Variants in ADAMTSL3 observed in about 807,000 individuals in gnomAD.
The protein encoded by ADAMTSL3 is ADAMTS like 3, also known as ADAMTS-like protein 3.
In ADAMTSL3, 128 loss-of-function variants were observed where a neutral mutation model predicts 201.7. The observed-to-expected ratio is 0.63, with a 90% CI of 0.55 to 0.73. The LOEUF is 0.73. Ranked by LOEUF, ADAMTSL3 falls within the 30% of genes least tolerant of loss-of-function variation. ADAMTSL3 has a pLI of 0.00. For missense variants in ADAMTSL3, 1,990 were observed against 2,119.6 expected, an observed-to-expected ratio of 0.94 and a Z score of 1.20; for synonymous variants, 738 against 748.4, an observed-to-expected ratio of 0.99 and a Z score of 0.23.
intron 23 of ADAMTSL3, among the ~76,000 whole-genome samples, chr15:83,999,982 C>A (rs1180284564): frequency 6.6e-6 from 1 of 151,682 alleles, no homozygotes; most frequent in African/African-American, 2.4e-5. Context: ...CCCCTATCAA[C>A]TGCTAGTTTA....
intron 3 of ADAMTSL3, among the ~76,000 whole-genome samples, chr15:83,733,040 G>A (rs1256528038): frequency 6.6e-6 from 1 of 152,106 alleles, no homozygotes; most frequent in African/African-American, 2.4e-5. Context: ...TCCTGAGCTG[G>A]TATTTATTAC....
At chr15:83,887,273 G>T (rs1438398883) in intron 10 of ADAMTSL3, among the ~76,000 whole-genome samples, 3 of 152,048 alleles carry the variant, frequency 2.0e-5, no homozygotes, top group African/African-American at 7.3e-5. Context: ...TGTTATTCCT[G>T]CACTGTTATT....
intron 16 of ADAMTSL3, among the ~76,000 whole-genome samples, chr15:83,921,584 C>G (rs901588284): frequency 1.3e-5 from 2 of 152,164 alleles, no homozygotes; most frequent in African/African-American, 2.4e-5. Context: ...GAAACCCAAC[C>G]AAGCAAAAAG....
intron 13 of ADAMTSL3, among the ~76,000 whole-genome samples, chr15:83,897,616 T>C (rs2065643155): frequency 6.6e-6 from 1 of 152,226 alleles, no homozygotes. Context: ...TTTCTTGAAC[T>C]ATGATCTCAC....
chr15:83,712,867 C>T (rs1178501587), intron 3 of ADAMTSL3, among the ~76,000 whole-genome samples: 1 of 152,194 alleles, frequency 6.6e-6, no homozygotes, highest in Non-Finnish European at 1.5e-5. Flanking sequence ...TGGACCATAT[C>T]ATTCTTCAAA....
At chr15:83,688,254 A>C (rs181277052) in intron 2 of ADAMTSL3, among the ~76,000 whole-genome samples, 295 of 152,332 alleles carry the variant, frequency 1.9e-3, no homozygotes, top group Admixed American at 4.2e-3. Context: ...TCTAAGGAGG[A>C]AGATGAAAAG....
At chr15:83,681,208 C>T (rs991378903) in intron 2 of ADAMTSL3, among the ~76,000 whole-genome samples, 2 of 152,156 alleles carry the variant, frequency 1.3e-5, no homozygotes, top group Admixed American at 6.5e-5. Flanking sequence ...TTTTCTTGTT[C>T]ATTTACATAT....
intron 3 of ADAMTSL3, among the ~76,000 whole-genome samples, chr15:83,730,338 C>T (rs2062246028): frequency 6.6e-6 from 1 of 152,066 alleles, no homozygotes; most frequent in Non-Finnish European, 1.5e-5. Flanking sequence ...CTACGGCACA[C>T]CAAACCAATG....
intron 7 of ADAMTSL3, among the ~76,000 whole-genome samples, chr15:83,858,008 T>C (rs1413371143): frequency 5.3e-5 from 8 of 152,240 alleles, no homozygotes; most frequent in Admixed American, 4.6e-4. Context: ...AAAACATCTC[T>C]GAGGACCAGG....
intron 6 of ADAMTSL3, among the ~76,000 whole-genome samples, chr15:83,827,888 G>A (rs1381635160): frequency 1.3e-5 from 2 of 152,088 alleles, no homozygotes; most frequent in African/African-American, 4.8e-5. Flanking sequence ...TCTCTGTTTT[G>A]GTACCAGTAC....
chr15:83,683,343 C>G (rs1388830427), intron 2 of ADAMTSL3, among the ~76,000 whole-genome samples: 1 of 152,210 alleles, frequency 6.6e-6, no homozygotes, highest in East Asian at 1.9e-4. Flanking sequence ...TCCTTCCTCC[C>G]TGCTCCTCTA....
At chr15:83,899,518 A>T in intron 14 of ADAMTSL3, 129 bp from the exon 15 acceptor site, 1 of 803,708 alleles carries the variant, frequency 1.2e-6, no homozygotes, top group East Asian at 2.8e-5. Context: ...TATTGTACTA[A>T]GGAACTCAAC....
chr15:84,018,275 C>G (rs1170603436), intron 25 of ADAMTSL3, among the ~76,000 whole-genome samples: 1 of 152,160 alleles, frequency 6.6e-6, no homozygotes, highest in African/African-American at 2.4e-5. Flanking sequence ...TGTCCCAGCC[C>G]TTCAAAGGAT....
chr15:83,885,736 C>G (rs2065375208), intron 10 of ADAMTSL3, among the ~76,000 whole-genome samples: 1 of 144,762 alleles, frequency 6.9e-6, no homozygotes, highest in Non-Finnish European at 1.5e-5. Flanking sequence ...AGTTCAAGGT[C>G]TTTTTTTTTT....
At chr15:83,865,169 G>A (rs1437943870) in intron 8 of ADAMTSL3, among the ~76,000 whole-genome samples, 15 of 152,160 alleles carry the variant, frequency 9.9e-5, no homozygotes, top group Non-Finnish European at 1.5e-4. Context: ...AATCAGTATC[G>A]TGAAAATGGC....
chr15:83,967,948 A>G (rs1220129882), intron 19 of ADAMTSL3, among the ~76,000 whole-genome samples: 1 of 152,220 alleles, frequency 6.6e-6, no homozygotes, highest in Non-Finnish European at 1.5e-5. Context: ...TTCCCTATTT[A>G]ATAAATGGTA....
chr15:83,711,622 C>T (rs183365708), intron 3 of ADAMTSL3, among the ~76,000 whole-genome samples: 173 of 152,328 alleles, frequency 1.1e-3, no homozygotes, highest in Non-Finnish European at 1.9e-3. Context: ...TAAGAGAAGA[C>T]AAGAACAAAT....
rs2065360727 is a variant in ADAMTSL3 at position 83,885,120 on chromosome 15, A to G, written c.980A>G (p.Lys327Arg). 1.2e-6 allele frequency: 2 copies of G among 1,614,114 alleles called. No homozygotes were observed. Among genetic ancestry groups the G allele is most frequent in the Non-Finnish European group, 1.7e-6 (2 of 1,179,978 alleles). ...FIFKTRYTAAKDSVVQFFFYQ... is the reference protein window; with the variant it reads ...FIFKTRYTAARDSVVQFFFYQ... ...GTCCAGACCAGGTACACTGCAGCCAAAGACAGCGTGGTTCAGTTCTTCTTT... is the reference window on the plus strand; with the variant it reads ...GTCCAGACCAGGTACACTGCAGCCAGAGACAGCGTGGTTCAGTTCTTCTTT... The change falls in exon 10 of 30, where the codon AAA becomes AGA. Residue 327 changes from lysine (K) to arginine (R), a missense_variant. Lys to Arg is a conservative substitution (Grantham distance 26). Transcript: ENST00000286744.
chr15:83,697,922 A>T (rs1024555492), intron 2 of ADAMTSL3, among the ~76,000 whole-genome samples: 1 of 152,106 alleles, frequency 6.6e-6, no homozygotes, highest in African/African-American at 2.4e-5. Flanking sequence ...TCCTGAGGCT[A>T]TCCAGGGGTC....
Sources: allele counts gnomAD v4.1 joint callset (sites outside exome capture counted in the v4.1 genomes callset), GRCh38; gene constraint gnomAD v4.1.1; transcripts MANE v1.5; gene names NCBI Gene and HGNC (gene_info 2026-07-23, HGNC 2026-07-21).